PILRA: variants seen among roughly 807,000 people sequenced by gnomAD.
The protein encoded by PILRA is paired immunoglobulin-like type 2 receptor alpha.
A neutral mutation model predicts 33.1 loss-of-function variants in PILRA; 37 were observed. That is an observed-to-expected ratio of 1.12 (90% confidence interval 0.86 to 1.47). The LOEUF is 1.47. Among genes scored for constraint, PILRA ranks in the 40% most tolerant of loss-of-function variants. The pLI is 0.00. For missense variants in PILRA, 312 were observed against 376.2 expected, an observed-to-expected ratio of 0.83 and a Z score of 1.41; for synonymous variants, 146 against 149.9, an observed-to-expected ratio of 0.97 and a Z score of 0.19.
chr7:100,377,140 CTAAG>C (rs1269349700), intron 2 of PILRA, among the ~76,000 whole-genome samples: 2 of 151,050 alleles, frequency 1.3e-5, no homozygotes, highest in African/African-American at 4.9e-5. Context: ...GCAGATATAA[CTAAG>C]TTTGTTGTTG....
upstream of PILRA, among the ~76,000 whole-genome samples, chr7:100,372,677 TG>T (rs1790848268): frequency 6.6e-6 from 1 of 151,996 alleles, no homozygotes; most frequent in Non-Finnish European, 1.5e-5. Flanking sequence ...AGGGCTCAGG[TG>T]TGTGGAGGGA....
At chr7:100,377,408 T>A (rs911492784) in intron 2 of PILRA, among the ~76,000 whole-genome samples, 1 of 151,712 alleles carries the variant, frequency 6.6e-6, no homozygotes, top group African/African-American at 2.4e-5. Flanking sequence ...GCCCGACTAA[T>A]TTTTTTGTAT....
rs374238052 is a variant in PILRA at position 100,382,373 on chromosome 7, T to C, written c.455-7515T>C. ...TGTATCTAGCTAATCTAGTGAGGAC[T>C]TGGAGGACCTTTATGTCTAGCTAAG... On this transcript the variant is annotated intron_variant, in intron 2 of 6. Transcript: ENST00000198536. Among the ~76,000 whole-genome samples the C allele has an allele frequency of 3.3e-5, 5 of 152,282 alleles. No individual in the cohort carries two copies. In the East Asian group the frequency reaches 9.6e-4, roughly 29 times the overall value.
chr7:100,393,360 C>T (rs1791428395), intron 3 of PILRA, among the ~76,000 whole-genome samples: 1 of 151,512 alleles, frequency 6.6e-6, no homozygotes, highest in Non-Finnish European at 1.5e-5. Flanking sequence ...GCACTTTTCT[C>T]CTGAGAATGA....
chr7:100,373,751 T>C, intron 1 of PILRA, 31 bp downstream of exon 1: 1 of 1,611,526 alleles, frequency 6.2e-7, no homozygotes, highest in African/African-American at 1.3e-5. Flanking sequence ...AGATGTGGGC[T>C]CTGCCCAAAC....
upstream of PILRA, chr7:100,373,435 G>A: frequency 1.6e-6 from 1 of 606,306 alleles, no homozygotes; most frequent in Non-Finnish European, 2.9e-6. Flanking sequence ...CACAAGGGAG[G>A]CCCTTTTGCA....
chr7:100,374,236 C>T lies in PILRA; in HGVS notation c.257C>T (p.Pro86Leu), dbSNP rs146090442. The T allele has an allele frequency of 2.2e-4, 352 of 1,614,162 alleles. No homozygotes were observed. The African/African-American group carries it at 4.0e-3, about 18-fold the overall frequency. Residue 86 changes from proline (P) to leucine (L), a missense_variant, in exon 2 of 7, where the codon CCG (proline) becomes CTG (leucine). Coordinates refer to ENST00000198536, the MANE Select transcript of PILRA (RefSeq NM_013439.3). ...FHRQSFYSTR[P>L]PSIHKDYVNR... ...AGGCAGTCCTTCTACAGCACAAGGC[C>T]GCCTTCCATTCACAAGGATTATGTG... is the stretch of plus-strand genomic sequence containing the variant.
intron 2 of PILRA, among the ~76,000 whole-genome samples, chr7:100,378,986 C>T (rs983582343): frequency 6.0e-5 from 9 of 149,926 alleles, no homozygotes; most frequent in South Asian, 2.1e-4. Flanking sequence ...CCAGCTACTC[C>T]GGAGGCTGCG....
chr7:100,384,576 T>A lies in PILRA; in HGVS notation c.455-5312T>A, dbSNP rs191533789. Among the ~76,000 whole-genome samples the A allele has an allele frequency of 2.0e-5, 3 of 151,934 alleles. No individual in the cohort carries two copies. The East Asian group carries it at 5.8e-4, about 29-fold the overall frequency. ...ACACCTGGCTAATTTTTTTTCATTT[T>A]TAGTAGAGATGGGGTTTCACCATAT... On this transcript the variant is annotated intron_variant, in intron 2 of 6. Coordinates refer to ENST00000198536, the MANE Select transcript of PILRA (RefSeq NM_013439.3).
Position 100,400,030 on chromosome 7 carries a change from G to A in PILRA, c.*123G>A. ...AGCCCAGGAGTTCAGGGCCAGCTTT[G>A]ATAATGGAGCGAGATGCCATCTCTA... On this transcript the variant is annotated 3_prime_UTR_variant, in exon 7 of 7. Transcript: ENST00000198536. 1 of 917,414 alleles carries A rather than the reference G, an allele frequency of 1.1e-6. No homozygotes were observed. Among genetic ancestry groups the A allele is most frequent in the East Asian group, 2.8e-5 (1 of 36,232 alleles). The allele number at this position is 917,414 out of a possible 1,614,324, so 56.8% of individuals were successfully genotyped here.
chr7:100,390,224 C>T (rs763164411), intron 3 of PILRA, 118 bp downstream of exon 3: 8 of 855,888 alleles, frequency 9.3e-6, no homozygotes, highest in East Asian at 5.2e-5. Context: ...TCAAGCCCAC[C>T]GAGGCCGACT....
intron 3 of PILRA, among the ~76,000 whole-genome samples, chr7:100,396,873 A>G (rs1791504620): frequency 1.3e-5 from 2 of 152,080 alleles, no homozygotes; most frequent in South Asian, 4.1e-4. Flanking sequence ...AAACTGTTTC[A>G]GTTTTGCAAG....
At position 100,385,328 on chromosome 7, in the gene PILRA, TCTTGTA is replaced by T. The variant is rs751355328; in HGVS notation, c.455-4549_455-4544del. On this transcript the variant is annotated intron_variant, in intron 2 of 6. Coordinates refer to ENST00000198536, the MANE Select transcript of PILRA (RefSeq NM_013439.3). The stretch of plus-strand genomic sequence containing the variant: ...GTATCTTGTACTTGATGCGATTGTA[TCTTGTA>T]CTTGTACTTGATTGTACTTGGAAAA... Among the ~76,000 whole-genome samples, 204 of 152,334 alleles carry T rather than the reference TCTTGTA, an allele frequency of 1.3e-3. 1 individual carries two copies. The highest frequency in any genetic ancestry group is 1.9e-3 in the Admixed American group (29 of 15,294).
At chr7:100,394,683 C>A (rs561355104) in intron 3 of PILRA, among the ~76,000 whole-genome samples, 17 of 149,010 alleles carry the variant, frequency 1.1e-4, no homozygotes, top group South Asian at 4.3e-4. Flanking sequence ...TAGAAATAAA[C>A]CCTTGCGCAT....
chr7:100,371,512 G>C (rs1790811393), upstream of PILRA, among the ~76,000 whole-genome samples: 1 of 152,164 alleles, frequency 6.6e-6, no homozygotes, highest in South Asian at 2.1e-4. Context: ...GATGTGGCCA[G>C]TGAGGACAGT....
intron 2 of PILRA, among the ~76,000 whole-genome samples, chr7:100,384,626 T>C (rs999503796): frequency 6.6e-6 from 1 of 151,632 alleles, no homozygotes; most frequent in African/African-American, 2.4e-5. Context: ...ACAAAAAAAT[T>C]TTTTTTTAAA....
intron 2 of PILRA, among the ~76,000 whole-genome samples, chr7:100,382,339 T>G (rs1221409393): frequency 1.3e-5 from 2 of 152,108 alleles, no homozygotes. Flanking sequence ...TATGCACCAA[T>G]TGGCACTCTG....
intron 3 of PILRA, among the ~76,000 whole-genome samples, chr7:100,397,025 A>T (rs1791509524): frequency 6.6e-6 from 1 of 151,702 alleles, no homozygotes; most frequent in Non-Finnish European, 1.5e-5. Context: ...ACATAACCTA[A>T]AGAGAGGGAA....
intron 2 of PILRA, among the ~76,000 whole-genome samples, chr7:100,381,613 G>C (rs1250154349): frequency 6.6e-6 from 1 of 152,238 alleles, no homozygotes; most frequent in Non-Finnish European, 1.5e-5. Flanking sequence ...CTCGGCCTCT[G>C]TGCCCACTCT....
Sources: gnomAD v4.1 joint callset for allele counts (sites outside exome capture counted in the v4.1 genomes callset) on GRCh38, gnomAD v4.1.1 for gene constraint, MANE v1.5 for transcripts, NCBI Gene and HGNC (gene_info 2026-07-23, HGNC 2026-07-21) for gene names.